Variants in VPS13B observed in about 807,000 individuals in gnomAD.
VPS13B encodes the protein intermembrane lipid transfer protein VPS13B.
Under a neutral mutation model 426.4 loss-of-function variants are expected in VPS13B, and 285 were observed. That is an observed-to-expected ratio of 0.67 (90% CI 0.61 to 0.74). The LOEUF (loss-of-function observed/expected upper bound fraction) is 0.74. Among genes scored for constraint, VPS13B ranks in the 30% least tolerant of loss-of-function variants. VPS13B has a pLI of 0.00. For missense variants in VPS13B, 4,537 were observed against 4,782.6 expected (o/e 0.95, Z 1.51); for synonymous variants, 1,676 against 1,676.4 (o/e 1.00, Z 0.01).
At chr8:99,426,671 GA>G (rs1175770518) in intron 21 of VPS13B, among the ~76,000 whole-genome samples, 3 of 48,562 alleles carry the variant, frequency 6.2e-5, no homozygotes, top group Non-Finnish European at 1.1e-4. Flanking sequence ...CAGTGATGAT[GA>G]GCATTTTTTC....
In VPS13B at chr8:99,861,809, G is replaced by C. The variant is rs398124327; in HGVS notation, c.11078G>C (p.Ser3693Thr). The change falls in exon 58 of 62, where the codon AGC (serine) becomes ACC (threonine). Residue 3693 changes from serine (S) to threonine (T), a missense_variant. Transcript: ENST00000357162. ...TLTSITNLAT[S>T]LARNMDRLSL... is the part of the protein sequence containing the mutation. ...ACATCCATCACCAACCTCGCCACAAGCCTGGCCCGGAACATGGACCGGCTC... is the reference window on the plus strand; with the variant it reads ...ACATCCATCACCAACCTCGCCACAACCCTGGCCCGGAACATGGACCGGCTC... 1 of 1,598,574 alleles carries C rather than the reference G, an allele frequency of 6.3e-7. No individual in the cohort carries two copies. The highest frequency in any genetic ancestry group is 8.5e-7 in the Non-Finnish European group (1 of 1,172,806).
At chr8:99,282,840 A>G (rs1002340974) in intron 19 of VPS13B, among the ~76,000 whole-genome samples, 21 of 152,272 alleles carry the variant, frequency 1.4e-4, no homozygotes, top group African/African-American at 4.8e-4. Flanking sequence ...AAGTAGTATA[A>G]ATTTTTTAAC....
At chr8:99,565,580 T>C (rs2133786100) in intron 31 of VPS13B, among the ~76,000 whole-genome samples, 1 of 152,310 alleles carries the variant, frequency 6.6e-6, no homozygotes, top group Non-Finnish European at 1.5e-5. Context: ...ATTACGACTA[T>C]TCTCTGTGTC....
At chr8:99,147,569 G>A (rs552388736) in intron 13 of VPS13B, among the ~76,000 whole-genome samples, 2 of 152,128 alleles carry the variant, frequency 1.3e-5, no homozygotes, top group East Asian at 3.9e-4. Flanking sequence ...CTGACCAAAA[G>A]CTGTTACTCT....
chr8:99,446,372 C>T (rs1285750659), intron 23 of VPS13B, among the ~76,000 whole-genome samples: 2 of 151,948 alleles, frequency 1.3e-5, no homozygotes, highest in South Asian at 4.2e-4. Context: ...TTTCATGTTT[C>T]CTTGGAAGTC....
chr8:99,242,585 G>A lies in VPS13B; in HGVS notation c.2516-31613G>A, dbSNP rs928794661. ...AATTTTAATGGTAATGTAAAAATACGTTGTCATATGTAATCTTGTATTCAG... is the reference window on the plus strand; with the variant it reads ...AATTTTAATGGTAATGTAAAAATACATTGTCATATGTAATCTTGTATTCAG... On this transcript the variant is annotated intron_variant, in intron 17 of 61. Coordinates refer to ENST00000357162, the MANE Select transcript of VPS13B (RefSeq NM_152564.5). Among the ~76,000 whole-genome samples, 17 of 152,142 alleles carry A rather than the reference G, an allele frequency of 1.1e-4. No homozygotes were observed. In the East Asian group the frequency reaches 2.1e-3, roughly 19 times the overall value.
intron 33 of VPS13B, among the ~76,000 whole-genome samples, chr8:99,586,495 C>A (rs1352047994): frequency 6.6e-6 from 1 of 152,216 alleles, no homozygotes; most frequent in East Asian, 1.9e-4. Flanking sequence ...CTAGTCTAGT[C>A]CTTCTTAATG....
rs985704942 is a variant in VPS13B at position 99,013,351 on chromosome 8, A to T, written c.-30+4A>T. 1 of 276,870 alleles carries T rather than the reference A, an allele frequency of 3.6e-6. No homozygotes were observed. Among genetic ancestry groups the T allele is most frequent in the Non-Finnish European group, 7.1e-6 (1 of 141,228 alleles). 17.2% of individuals were successfully genotyped at this position (276,870 alleles called of 1,614,324 possible). ...GGACGCGGCGGTACTCTGGCGTGTG[A>T]GCCGAGGGTGGAGTGCAGAGGGAGC... On this transcript the variant is annotated splice_donor_region_variant and intron_variant, in intron 1 of 61. Coordinates refer to ENST00000357162, the MANE Select transcript of VPS13B (RefSeq NM_152564.5).
At chr8:99,042,627 C>T (rs1039358767) in intron 3 of VPS13B, among the ~76,000 whole-genome samples, 2 of 152,120 alleles carry the variant, frequency 1.3e-5, no homozygotes, top group Non-Finnish European at 2.9e-5. Flanking sequence ...CATTTTAAGT[C>T]AGATACCAGT....
intron 30 of VPS13B, among the ~76,000 whole-genome samples, chr8:99,543,428 A>T (rs1290717345): frequency 1.1e-4 from 17 of 151,436 alleles, no homozygotes; most frequent in Non-Finnish European, 2.2e-4. Flanking sequence ...TAAAACACCA[A>T]AAGCAATGGC....
At chr8:99,390,944 T>C (rs1447291277) in intron 20 of VPS13B, among the ~76,000 whole-genome samples, 1 of 152,214 alleles carries the variant, frequency 6.6e-6, no homozygotes, top group Admixed American at 6.5e-5. Flanking sequence ...AGGATCATAA[T>C]ATTTTCCAGC....
intron 33 of VPS13B, among the ~76,000 whole-genome samples, chr8:99,628,009 ACAATGAG>A (rs1828688450): frequency 6.6e-6 from 1 of 152,208 alleles, no homozygotes; most frequent in African/African-American, 2.4e-5. Context: ...ATCTCTGGAA[ACAATGAG>A]ATCCAGAACC....
Position 99,511,262 on chromosome 8 carries a change from T to G in VPS13B, c.4383T>G (p.Pro1461=). The G allele has an allele frequency of 6.2e-7, 1 of 1,614,140 alleles. No individual in the cohort carries two copies. Residue 1461 remains proline, a synonymous_variant, in exon 29 of 62, where the codon CCT becomes CCG. Transcript: ENST00000357162. The part of the protein sequence containing the change: ...KLSEGLMDGS[P]HFLHEILLSA... Reference sequence around the variant, plus strand: ...CTGAAGGCCTAATGGATGGTTCTCCTCATTTTCTTCATGAAATTCTTCTTT... The same window carrying G: ...CTGAAGGCCTAATGGATGGTTCTCCGCATTTTCTTCATGAAATTCTTCTTT...
chr8:99,665,024 A>G (rs1830422702), intron 35 of VPS13B, among the ~76,000 whole-genome samples: 1 of 152,236 alleles, frequency 6.6e-6, no homozygotes, highest in Admixed American at 6.5e-5. Flanking sequence ...CTGGTGTGGG[A>G]TGGTATCTCA....
At chr8:99,844,878 A>G (rs1051285834) in intron 54 of VPS13B, among the ~76,000 whole-genome samples, 13 of 152,154 alleles carry the variant, frequency 8.5e-5, no homozygotes, top group African/African-American at 3.1e-4. Context: ...AACCTGGCCA[A>G]TTCTTTCCTG....
chr8:99,222,703 A>G (rs1228767467), intron 17 of VPS13B, among the ~76,000 whole-genome samples: 1 of 152,212 alleles, frequency 6.6e-6, no homozygotes, highest in Non-Finnish European at 1.5e-5. Context: ...AATGGACCGT[A>G]TGGGTGCTTT....
chr8:99,087,613 TTG>T (rs1845902623), intron 3 of VPS13B, among the ~76,000 whole-genome samples: 1 of 151,046 alleles, frequency 6.6e-6, no homozygotes, highest in Admixed American at 6.6e-5. Flanking sequence ...CACTGTTTTT[TTG>T]TTTTTTTTTT....
intron 24 of VPS13B, among the ~76,000 whole-genome samples, chr8:99,470,287 A>T (rs1819336218): frequency 6.6e-6 from 1 of 152,198 alleles, no homozygotes; most frequent in Non-Finnish European, 1.5e-5. Context: ...GAAAAATTCA[A>T]AAACAAACAA....
At position 99,788,000 on chromosome 8, in the gene VPS13B, T is replaced by C. The variant is rs574788661; in HGVS notation, c.7941+3524T>C. On this transcript the variant is annotated intron_variant, in intron 43 of 61. Coordinates refer to ENST00000357162, the MANE Select transcript of VPS13B (RefSeq NM_152564.5). The stretch of plus-strand genomic sequence containing the variant: ...CTCTAGACAGAGCTATGGAAAATAA[T>C]AAAACATTTATCCAAAATGAATATA... Among the ~76,000 whole-genome samples, 32 of 152,132 alleles carry C rather than the reference T, an allele frequency of 2.1e-4. No individual in the cohort carries two copies. The East Asian group carries it at 5.8e-3, about 28-fold the overall frequency.
Sources: gnomAD v4.1 joint callset for allele counts (sites outside exome capture counted in the v4.1 genomes callset) on GRCh38, gnomAD v4.1.1 for gene constraint, MANE v1.5 for transcripts, NCBI Gene and HGNC (gene_info 2026-07-23, HGNC 2026-07-21) for gene names.